Variants in ARHGEF26 observed in about 807,000 individuals in gnomAD.
ARHGEF26 encodes Rho guanine nucleotide exchange factor (GEF) 26.
A neutral mutation model predicts 89.4 loss-of-function variants in ARHGEF26; 59 were observed. That is an observed-to-expected ratio of 0.66 (90% CI 0.54 to 0.82). ARHGEF26 has a LOEUF of 0.82. ARHGEF26 is among the 40% of genes least tolerant of loss of function. The pLI is 0.00. For missense variants in ARHGEF26, 1,234 were observed against 1,085.6 expected, an observed-to-expected ratio of 1.14 and a Z score of -1.92; for synonymous variants, 500 against 428.4, an observed-to-expected ratio of 1.17 and a Z score of -2.06.
At chr3:154,164,141 T>C (rs1258266244) in intron 6 of ARHGEF26, among the ~76,000 whole-genome samples, 1 of 152,140 alleles carries the variant, frequency 6.6e-6, no homozygotes, top group East Asian at 1.9e-4. Flanking sequence ...TTAAAGAATT[T>C]CTTATATCTT....
Position 154,122,402 on chromosome 3 carries a change from C to A in ARHGEF26, c.410C>A (p.Ala137Glu). The A allele has an allele frequency of 6.5e-7, 1 of 1,531,586 alleles. No individual in the cohort carries two copies. The highest frequency in any genetic ancestry group is 8.9e-7 in the Non-Finnish European group (1 of 1,119,542). 94.9% of individuals were successfully genotyped at this position (1,531,586 alleles called of 1,614,324 possible). ...GCAAATGGCGCGGTGACCTTGCCTG[C>A]GCCGCCGCCGCCGCCGGTTCTGCGC... ...SPANGAVTLP[A>E]PPPPPVLRPP... Residue 137 changes from alanine (A) to glutamate (E), a missense_variant, in exon 2 of 15, where the codon GCG (alanine) becomes GAG (glutamate). Coordinates refer to ENST00000465093, the MANE Select transcript of ARHGEF26 (RefSeq NM_015595.4).
In ARHGEF26 at chr3:154,255,702, G is replaced by T; in HGVS notation, c.*229G>T. On this transcript the variant is annotated 3_prime_UTR_variant, in exon 15 of 15. Coordinates refer to ENST00000465093, the MANE Select transcript of ARHGEF26 (RefSeq NM_015595.4). ...ACCACACACTTGCAGACCTCCTGAG[G>T]TACACAGAATAGCTGAGCAGTTCAC... The T allele has an allele frequency of 7.4e-7, 1 of 1,351,156 alleles. No homozygotes were observed. The allele number at this position is 1,351,156 out of a possible 1,614,324, so 83.7% of individuals were successfully genotyped here. A position where few individuals can be genotyped will look rare whatever the true frequency, so the allele number is the denominator to read the frequency against.
At chr3:154,125,040 T>A (rs961519408) in intron 3 of ARHGEF26, among the ~76,000 whole-genome samples, 17 of 151,392 alleles carry the variant, frequency 1.1e-4, no homozygotes, top group Admixed American at 1.1e-3. Context: ...TGGACTTTTT[T>A]AAATAGATGG....
At chr3:154,140,349 G>C (rs1369847084) in intron 4 of ARHGEF26, among the ~76,000 whole-genome samples, 1 of 152,106 alleles carries the variant, frequency 6.6e-6, no homozygotes, top group South Asian at 2.1e-4. Context: ...TGTTAAATGC[G>C]GCTGCTAGTT....
chr3:154,225,849 T>C lies in ARHGEF26; in HGVS notation c.1936-7T>C. 6.3e-7 allele frequency: 1 copy of C among 1,592,680 alleles called. No individual in the cohort carries two copies. Among genetic ancestry groups the C allele is most frequent in the East Asian group, 2.2e-5 (1 of 44,502 alleles). On this transcript the variant is annotated splice_polypyrimidine_tract_variant and splice_region_variant and intron_variant, in intron 10 of 14. Coordinates refer to ENST00000465093, the MANE Select transcript of ARHGEF26 (RefSeq NM_015595.4). ...GCTTTGGTCACTGGGTTTTTCTCCT[T>C]TTGTAGCCTTTTCCTTTAGTCTCCT...
chr3:154,237,329 G>A (rs956765035), intron 11 of ARHGEF26, among the ~76,000 whole-genome samples: 2 of 152,064 alleles, frequency 1.3e-5, no homozygotes, highest in Non-Finnish European at 2.9e-5. Flanking sequence ...ATTACTTGAG[G>A]TCAAGAGTTC....
chr3:154,218,358 C>G (rs568681501), intron 10 of ARHGEF26, among the ~76,000 whole-genome samples: 1 of 152,262 alleles, frequency 6.6e-6, no homozygotes, highest in South Asian at 2.1e-4. Context: ...AAGGACACTC[C>G]TTTTCTCGTT....
intron 13 of ARHGEF26, 23 bp downstream of exon 13, chr3:154,253,206 C>T: frequency 6.2e-7 from 1 of 1,613,796 alleles, no homozygotes; most frequent in South Asian, 1.1e-5. Flanking sequence ...AAGGGGAAGC[C>T]CACTTGGGAA....
In ARHGEF26 at chr3:154,255,403, C is replaced by T; in HGVS notation, c.2546C>T (p.Thr849Ile). 6.2e-7 allele frequency: 1 copy of T among 1,613,576 alleles called. No homozygotes were observed. ...CCTATGGAATGTGCCAAGGAGATAA[C>T]ATGTCAAGCTACAATTGATAAGAAT... ...WFPMECAKEITCQATIDKNVE... is the reference protein window; with the variant it reads ...WFPMECAKEIICQATIDKNVE... The change falls in exon 15 of 15, where the codon ACA becomes ATA. Residue 849 changes from threonine (T) to isoleucine (I), a missense_variant. By Grantham distance (89) the Thr-to-Ile change is moderately conservative (BLOSUM62 -1). Coordinates refer to ENST00000465093, the MANE Select transcript of ARHGEF26 (RefSeq NM_015595.4).
At chr3:154,190,231 G>T (rs1450831238) in intron 7 of ARHGEF26, among the ~76,000 whole-genome samples, 2 of 152,110 alleles carry the variant, frequency 1.3e-5, no homozygotes, top group African/African-American at 4.8e-5. Context: ...TGGGTTTGAG[G>T]CCAGGCACAG....
intron 11 of ARHGEF26, among the ~76,000 whole-genome samples, chr3:154,234,448 G>A (rs139834157): frequency 2.0e-5 from 3 of 152,288 alleles, no homozygotes; most frequent in East Asian, 1.9e-4. Flanking sequence ...GACCTGTCTT[G>A]TCACTTAGTT....
chr3:154,187,049 A>T, intron 6 of ARHGEF26: 1 of 154,848 alleles, frequency 6.5e-6, no homozygotes, highest in Non-Finnish European at 1.4e-5. Flanking sequence ...GTGCCACCAC[A>T]CCTGTCTAAT....
intron 12 of ARHGEF26, among the ~76,000 whole-genome samples, chr3:154,250,932 A>G (rs1027575994): frequency 6.6e-6 from 1 of 151,426 alleles, no homozygotes; most frequent in Non-Finnish European, 1.5e-5. Flanking sequence ...TATTTCTTAC[A>G]GAACTATTGT....
At chr3:154,229,954 T>G (rs578031975) in intron 11 of ARHGEF26, among the ~76,000 whole-genome samples, 7 of 152,340 alleles carry the variant, frequency 4.6e-5, no homozygotes, top group Admixed American at 4.6e-4. Flanking sequence ...GATAACTTAT[T>G]ATAATAAAGA....
chr3:154,227,881 G>A (rs796880147), intron 11 of ARHGEF26, among the ~76,000 whole-genome samples: 18 of 152,162 alleles, frequency 1.2e-4, no homozygotes, highest in African/African-American at 4.3e-4. Flanking sequence ...CGATTATGAT[G>A]ACTTTGGTGA....
intron 6 of ARHGEF26, among the ~76,000 whole-genome samples, chr3:154,178,393 G>A (rs357472): frequency 0.51 from 76,957 of 151,698 alleles, 19,716 homozygotes; most frequent in Non-Finnish European, 0.53. Context: ...CGCTCACTCC[G>A]CATTTCCCCC....
rs192724379 is a variant in ARHGEF26 at position 154,194,578 on chromosome 3, G to A, written c.1771-66G>A. The A allele has an allele frequency of 2.5e-3, 2,937 of 1,161,734 alleles. 8 individuals are homozygous for A. Among genetic ancestry groups the A allele is most frequent in the Middle Eastern group, 8.8e-3 (45 of 5,116 alleles). 72.0% of individuals were successfully genotyped at this position (1,161,734 alleles called of 1,614,324 possible). On this transcript the variant is annotated intron_variant, in intron 8 of 14. Coordinates refer to ENST00000465093, the MANE Select transcript of ARHGEF26 (RefSeq NM_015595.4). Reference sequence around the variant, plus strand: ...TGCTATGAGTAAAAGGATATGGCTGGACATTGGTTTTATTTTACTTAATAA... The same window carrying A: ...TGCTATGAGTAAAAGGATATGGCTGAACATTGGTTTTATTTTACTTAATAA...
rs1487916971 is a variant in ARHGEF26, at chr3:154,194,857, CA to C, written c.1845+143del. Reference sequence around the variant, plus strand: ...CAGCGTTCTTTAGGTAGTTGCAAAACAAAATCATATTTGCTATACTCAGGTG... The same window carrying C: ...CAGCGTTCTTTAGGTAGTTGCAAAACAAATCATATTTGCTATACTCAGGTG... On this transcript the variant is annotated intron_variant, in intron 9 of 14. Transcript: ENST00000465093. 6 of 694,024 alleles carry C rather than the reference CA, an allele frequency of 8.6e-6. No homozygotes were observed. The African/African-American group carries it at 1.1e-4, about 13-fold the overall frequency. 43.0% of individuals were successfully genotyped at this position (694,024 alleles called of 1,614,324 possible).
intron 9 of ARHGEF26, among the ~76,000 whole-genome samples, chr3:154,210,440 A>G (rs1184752259): frequency 6.6e-6 from 1 of 152,034 alleles, no homozygotes; most frequent in Admixed American, 6.5e-5. Context: ...CAGCCTCCCA[A>G]GTAGCTGGGA....
Sources: gnomAD v4.1 joint callset for allele counts (sites outside exome capture counted in the v4.1 genomes callset) on GRCh38, gnomAD v4.1.1 for gene constraint, MANE v1.5 for transcripts, NCBI Gene and HGNC (gene_info 2026-07-23, HGNC 2026-07-21) for gene names.